RGS7BP: variants seen among roughly 807,000 people sequenced by gnomAD.
RGS7BP encodes regulator of G protein signaling 7 binding protein.
Under a neutral mutation model 31.3 loss-of-function variants are expected in RGS7BP, and 9 were observed. That is an observed-to-expected ratio of 0.29 (90% CI 0.17 to 0.50). The LOEUF (loss-of-function observed/expected upper bound fraction) is 0.50, where lower values mean the gene tolerates loss of function less well. Ranked by LOEUF, RGS7BP falls within the 20% of genes least tolerant of loss-of-function variation. The probability of loss-of-function intolerance (pLI) is 0.98; values close to 1 mark genes in which losing one functional copy is unlikely to be tolerated. For missense variants in RGS7BP, 274 were observed against 322.0 expected, an observed-to-expected ratio of 0.85 and a Z score of 1.14; for synonymous variants, 115 against 120.1, an observed-to-expected ratio of 0.96 and a Z score of 0.28.
At chr5:64,536,676 G>C (rs1741375114) in intron 2 of RGS7BP, among the ~76,000 whole-genome samples, 1 of 152,128 alleles carries the variant, frequency 6.6e-6, no homozygotes, top group South Asian at 2.1e-4. Context: ...CATTCCCTCT[G>C]TGAAACCTAT....
chr5:64,573,507 A>G (rs1275709432), intron 2 of RGS7BP: 2 of 152,076 alleles, frequency 1.3e-5, no homozygotes, highest in South Asian at 2.1e-4. Context: ...CATAAAATGT[A>G]CAATACATAC....
chr5:64,604,968 G>C (rs114592243), intron 5 of RGS7BP, among the ~76,000 whole-genome samples: 1 of 151,966 alleles, frequency 6.6e-6, no homozygotes, highest in East Asian at 1.9e-4. Flanking sequence ...CCAAGAGTTC[G>C]AGTCCAGTCT....
At chr5:64,590,159 C>G (rs1392483278) in intron 3 of RGS7BP, among the ~76,000 whole-genome samples, 3 of 151,706 alleles carry the variant, frequency 2.0e-5, no homozygotes, top group African/African-American at 7.3e-5. Context: ...AGTGTCATAC[C>G]AGTTATTAGA....
intron 5 of RGS7BP, among the ~76,000 whole-genome samples, chr5:64,599,267 A>T (rs1743158364): frequency 6.6e-6 from 1 of 152,214 alleles, no homozygotes; most frequent in Non-Finnish European, 1.5e-5. Flanking sequence ...GCCACAGGTG[A>T]AGTACCAACT....
At chr5:64,541,352 C>A (rs1741522060) in intron 2 of RGS7BP, among the ~76,000 whole-genome samples, 1 of 152,192 alleles carries the variant, frequency 6.6e-6, no homozygotes, top group South Asian at 2.1e-4. Flanking sequence ...CACCTCCCAC[C>A]AGATCCCACC....
At position 64,506,894 on chromosome 5, in the gene RGS7BP, C is replaced by T. The variant is rs1748700153; in HGVS notation, c.165+105C>T. The T allele has an allele frequency of 9.1e-7, 1 of 1,097,838 alleles. No homozygotes were observed. 68.0% of individuals were successfully genotyped at this position (1,097,838 alleles called of 1,614,324 possible). A position where few individuals can be genotyped will look rare whatever the true frequency, so the allele number is the denominator to read the frequency against. On this transcript the variant is annotated intron_variant, in intron 1 of 5. Coordinates refer to ENST00000334025, the MANE Select transcript of RGS7BP (RefSeq NM_001029875.3). The surrounding 1 kb of genome is among the most constrained non-coding windows in gnomAD (Gnocchi z 4.6). Reference sequence around the variant, plus strand: ...TGAGTGCCAGCCACTCCCCCACCCTCAGCTCCTCAATGCCGATCACGTGGC... The same window carrying T: ...TGAGTGCCAGCCACTCCCCCACCCTTAGCTCCTCAATGCCGATCACGTGGC...
intron 2 of RGS7BP, among the ~76,000 whole-genome samples, chr5:64,526,715 C>T (rs1404915810): frequency 6.6e-6 from 1 of 152,080 alleles, no homozygotes; most frequent in Non-Finnish European, 1.5e-5. Context: ...ACTAATGGAA[C>T]CATTTAGACA....
At chr5:64,550,715 T>A (rs1741772739) in intron 2 of RGS7BP, among the ~76,000 whole-genome samples, 1 of 150,522 alleles carries the variant, frequency 6.6e-6, no homozygotes, top group Non-Finnish European at 1.5e-5. Context: ...TATCTCCTAA[T>A]GCTATCCCTC....
chr5:64,531,664 G>A (rs1172451016), intron 2 of RGS7BP, among the ~76,000 whole-genome samples: 6 of 152,054 alleles, frequency 3.9e-5, no homozygotes, highest in Non-Finnish European at 2.9e-5. Context: ...TGTGTCCTAG[G>A]CACTGAGGTT....
chr5:64,588,613 C>T (rs553800628), intron 3 of RGS7BP, among the ~76,000 whole-genome samples: 2 of 152,208 alleles, frequency 1.3e-5, no homozygotes, highest in African/African-American at 2.4e-5. Context: ...TGTATCTGAC[C>T]GAGAAATCTC....
At chr5:64,534,680 T>C (rs559257130) in intron 2 of RGS7BP, among the ~76,000 whole-genome samples, 1 of 152,266 alleles carries the variant, frequency 6.6e-6, no homozygotes, top group South Asian at 2.1e-4. Context: ...AAAGCTGTGT[T>C]TGAACATAAT....
intron 2 of RGS7BP, among the ~76,000 whole-genome samples, chr5:64,524,556 A>G (rs1749184962): frequency 6.6e-6 from 1 of 152,242 alleles, no homozygotes; most frequent in South Asian, 2.1e-4. Context: ...TCTTCTAATT[A>G]TAGATTCAAC....
intron 2 of RGS7BP, among the ~76,000 whole-genome samples, chr5:64,542,943 A>G (rs1741561538): frequency 6.6e-6 from 1 of 152,116 alleles, no homozygotes; most frequent in Admixed American, 6.5e-5. Context: ...CCTCTTCCAG[A>G]TATTTTCTTT....
chr5:64,594,381 C>T (rs1472195059), intron 3 of RGS7BP, among the ~76,000 whole-genome samples: 2 of 152,150 alleles, frequency 1.3e-5, no homozygotes, highest in Non-Finnish European at 2.9e-5. Flanking sequence ...TAAATCCCCC[C>T]TCCTGAGCTA....
At chr5:64,560,747 C>G (rs1462901015) in intron 2 of RGS7BP, among the ~76,000 whole-genome samples, 1 of 152,106 alleles carries the variant, frequency 6.6e-6, no homozygotes, top group Non-Finnish European at 1.5e-5. Context: ...ATAATCTTCT[C>G]ACTTCTAAAA....
At chr5:64,548,397 CA>C (rs1256588147) in intron 2 of RGS7BP, among the ~76,000 whole-genome samples, 7 of 152,276 alleles carry the variant, frequency 4.6e-5, no homozygotes, top group Middle Eastern at 6.8e-3. Flanking sequence ...AAATGTTTGA[CA>C]CGTTTGCCTA....
At chr5:64,519,305 C>G (rs1449992215) in intron 2 of RGS7BP, among the ~76,000 whole-genome samples, 2 of 152,166 alleles carry the variant, frequency 1.3e-5, no homozygotes, top group Admixed American at 1.3e-4. Context: ...TATTATGGGC[C>G]AGACATTGTG....
chr5:64,533,533 A>G (rs1249721446), intron 2 of RGS7BP, among the ~76,000 whole-genome samples: 1 of 152,194 alleles, frequency 6.6e-6, no homozygotes, highest in African/African-American at 2.4e-5. Context: ...GGGGGGTGGG[A>G]TCGAAGCCCT....
intron 2 of RGS7BP, among the ~76,000 whole-genome samples, chr5:64,575,476 T>C (rs1196220456): frequency 1.3e-5 from 2 of 152,230 alleles, no homozygotes; most frequent in African/African-American, 4.8e-5. Context: ...TGGAAATTTG[T>C]TCCAACAGCT....
Sources: allele counts gnomAD v4.1 joint callset (sites outside exome capture counted in the v4.1 genomes callset), GRCh38; gene constraint gnomAD v4.1.1; non-coding constraint Gnocchi (gnomAD v3.1); transcripts MANE v1.5; gene names NCBI Gene and HGNC (gene_info 2026-07-23, HGNC 2026-07-21).